Variants in DLG2 observed in about 807,000 individuals in gnomAD.
DLG2 encodes discs large MAGUK scaffold protein 2.
In DLG2, 45 loss-of-function variants were observed where a neutral mutation model predicts 132.5. The ratio of observed to expected loss-of-function variants is 0.34; its 90% CI spans 0.27 to 0.44. DLG2 has a LOEUF of 0.44. Among genes scored for constraint, DLG2 ranks in the 20% least tolerant of loss-of-function variants. The pLI, the probability that DLG2 is intolerant of heterozygous loss-of-function variation, is 1.00. For missense variants in DLG2, 1,045 were observed against 1,196.9 expected (o/e 0.87, Z 1.87); for synonymous variants, 424 against 419.6 (o/e 1.01, Z -0.13).
chr11:84,922,322 T>C (rs926625204), intron 6 of DLG2, among the ~76,000 whole-genome samples: 3 of 152,206 alleles, frequency 2.0e-5, no homozygotes, highest in African/African-American at 7.2e-5. Context: ...TCACTTAAAT[T>C]ATGCAACTGG....
chr11:85,507,221 A>G (rs899488974), intron 3 of DLG2, among the ~76,000 whole-genome samples: 2 of 152,176 alleles, frequency 1.3e-5, no homozygotes, highest in South Asian at 2.1e-4. Context: ...TTTAAGGTTA[A>G]TAACGTTATG....
At chr11:84,768,070 C>T (rs951342481) in intron 6 of DLG2, among the ~76,000 whole-genome samples, 4 of 152,140 alleles carry the variant, frequency 2.6e-5, no homozygotes, top group Non-Finnish European at 5.9e-5. Flanking sequence ...GGGCAAATGA[C>T]CCTTCTTTTA....
chr11:83,651,350 G>A (rs185789895), intron 18 of DLG2, among the ~76,000 whole-genome samples: 6 of 152,316 alleles, frequency 3.9e-5, no homozygotes, highest in Admixed American at 3.3e-4. Flanking sequence ...CAAGACCATT[G>A]TGAAGATAAA....
At chr11:85,582,279 T>C (rs551117455) in intron 3 of DLG2, among the ~76,000 whole-genome samples, 73 of 152,164 alleles carry the variant, frequency 4.8e-4, no homozygotes, top group Admixed American at 9.8e-4. Flanking sequence ...ATGGGAACTA[T>C]AGAAATGAAC....
chr11:84,989,133 C>T (rs894901859), intron 6 of DLG2, among the ~76,000 whole-genome samples: 1 of 152,132 alleles, frequency 6.6e-6, no homozygotes, highest in African/African-American at 2.4e-5. Context: ...AAAACATATA[C>T]AGGACTTGTA....
intron 8 of DLG2, among the ~76,000 whole-genome samples, chr11:84,180,132 T>A (rs1489061404): frequency 6.6e-6 from 1 of 151,980 alleles, no homozygotes; most frequent in Non-Finnish European, 1.5e-5. Flanking sequence ...AAGGCTTTAA[T>A]GAAAAAACTA....
At chr11:83,770,706 T>A (rs1264515822) in intron 18 of DLG2, among the ~76,000 whole-genome samples, 1 of 152,224 alleles carries the variant, frequency 6.6e-6, no homozygotes, top group Non-Finnish European at 1.5e-5. Flanking sequence ...TCTTTATAGC[T>A]TGTTCTGTAC....
chr11:84,916,037 TA>T (rs1466810865), intron 6 of DLG2, among the ~76,000 whole-genome samples: 3 of 152,098 alleles, frequency 2.0e-5, no homozygotes, highest in Admixed American at 6.5e-5. Flanking sequence ...ACCTACCTTC[TA>T]AAAATGTTCA....
At chr11:84,173,528 G>A (rs139254660) in intron 8 of DLG2, among the ~76,000 whole-genome samples, 4 of 152,162 alleles carry the variant, frequency 2.6e-5, no homozygotes, top group African/African-American at 7.2e-5. Context: ...AAATATTTAG[G>A]GAAATAAAAA....
chr11:85,047,909 C>A (rs1252682008), intron 6 of DLG2, among the ~76,000 whole-genome samples: 1 of 151,814 alleles, frequency 6.6e-6, no homozygotes, highest in Non-Finnish European at 1.5e-5. Context: ...GGTAAAAATA[C>A]AATTCTCACT....
chr11:83,571,424 C>T (rs1183792454), intron 19 of DLG2, among the ~76,000 whole-genome samples: 1 of 151,734 alleles, frequency 6.6e-6, no homozygotes, highest in East Asian at 1.9e-4. Context: ...CGTTGTCCAT[C>T]GCTGTTAAGA....
At chr11:84,838,392 T>A (rs893006027) in intron 6 of DLG2, among the ~76,000 whole-genome samples, 3 of 88,414 alleles carry the variant, frequency 3.4e-5, no homozygotes, top group Non-Finnish European at 7.7e-5. Flanking sequence ...ACAAGACAGA[T>A]TGAATGACTG....
chr11:85,211,312 C>T (rs1228474633), intron 4 of DLG2, among the ~76,000 whole-genome samples: 2 of 152,094 alleles, frequency 1.3e-5, no homozygotes, highest in Non-Finnish European at 2.9e-5. Flanking sequence ...GTAATTATAA[C>T]TCACTATCTC....
At chr11:83,562,966 CTTTTTTTTTTTT>C (rs527949325) in intron 19 of DLG2, among the ~76,000 whole-genome samples, 3 of 81,368 alleles carry the variant, frequency 3.7e-5, no homozygotes, top group African/African-American at 1.0e-4. Flanking sequence ...TTCCCTAATT[CTTTTTTTTTTTT>C]TTTTTTTTTT....
At chr11:85,031,244 T>C (rs2060977152) in intron 6 of DLG2, among the ~76,000 whole-genome samples, 1 of 152,096 alleles carries the variant, frequency 6.6e-6, no homozygotes, top group Admixed American at 6.5e-5. Context: ...GTCCATTCTC[T>C]TCTTTCAATT....
intron 6 of DLG2, among the ~76,000 whole-genome samples, chr11:84,674,196 G>T (rs1259722309): frequency 6.6e-6 from 1 of 152,088 alleles, no homozygotes; most frequent in African/African-American, 2.4e-5. Context: ...CATTCATGTT[G>T]CTACTGTATT....
At chr11:84,938,433 T>C (rs997402545) in intron 6 of DLG2, among the ~76,000 whole-genome samples, 2 of 152,194 alleles carry the variant, frequency 1.3e-5, no homozygotes. Flanking sequence ...TAGCTTACTT[T>C]TGTTAAGAGT....
At chr11:84,143,370 A>T (rs2094937054) in intron 9 of DLG2, among the ~76,000 whole-genome samples, 1 of 152,190 alleles carries the variant, frequency 6.6e-6, no homozygotes, top group African/African-American at 2.4e-5. Flanking sequence ...GAATAATTTT[A>T]GAATCAATAA....
intron 20 of DLG2, among the ~76,000 whole-genome samples, chr11:83,540,116 C>T (rs1310510149): frequency 1.3e-5 from 2 of 152,150 alleles, no homozygotes; most frequent in Non-Finnish European, 1.5e-5. Context: ...CTTCCTCCAC[C>T]CCATTACTAT....
Sources: allele counts gnomAD v4.1 joint callset (sites outside exome capture counted in the v4.1 genomes callset), GRCh38; gene constraint gnomAD v4.1.1; transcripts MANE v1.5; gene names NCBI Gene and HGNC (gene_info 2026-07-23, HGNC 2026-07-21).